CHST5: variants seen among roughly 807,000 people sequenced by gnomAD.
CHST5 encodes the protein GST4-alpha.
For missense variants in CHST5, 637 were observed against 602.1 expected (o/e 1.06, Z -0.61); for synonymous variants, 313 against 279.2 (o/e 1.12, Z -1.21).
At position 75,529,746 on chromosome 16, in the gene CHST5, G is replaced by C. The variant is rs759394593; in HGVS notation, c.639C>G (p.Pro213=). ...GGTGCACGATGCGCAGGTTGAGCGCGGGGTCGCTGAGCAGCGGGTAGAGCA... is the reference window on the plus strand; with the variant it reads ...GGTGCACGATGCGCAGGTTGAGCGCCGGGTCGCTGAGCAGCGGGTAGAGCA... ...LQVLYPLLSD[P]ALNLRIVHLV... The change falls in exon 4 of 4, where the codon CCC becomes CCG. Residue 213 remains proline (P), a synonymous_variant. Transcript: ENST00000336257. 4 of 1,613,172 alleles carry C rather than the reference G, an allele frequency of 2.5e-6. No individual in the cohort carries two copies. The highest frequency in any genetic ancestry group is 1.3e-5 in the African/African-American group (1 of 74,922).
intron 2 of CHST5, among the ~76,000 whole-genome samples, chr16:75,534,205 C>T (rs913106588): frequency 1.1e-4 from 16 of 150,868 alleles, no homozygotes; most frequent in African/African-American, 3.9e-4. Flanking sequence ...GGCAGAGTGG[C>T]TCATGCCTAT....
At chr16:75,531,743 G>C in intron 3 of CHST5, 103 bp from the exon 4 acceptor site, 1 of 801,338 alleles carries the variant, frequency 1.2e-6, no homozygotes, top group Non-Finnish European at 1.9e-6. Context: ...CCTGCCTTTT[G>C]CTTCAGGATA....
At position 75,531,521 on chromosome 16, in the gene CHST5, C is replaced by T. The variant is rs1251876629; in HGVS notation, c.-1137G>A. The T allele has an allele frequency of 6.2e-6, 8 of 1,300,516 alleles. No homozygotes were observed. The highest frequency in any genetic ancestry group is 6.1e-5 in the African/African-American group (4 of 65,704). 80.6% of individuals were successfully genotyped at this position (1,300,516 alleles called of 1,614,324 possible). ...GTTGATGGGGAGCTGGGATGGAGCC[C>T]AAGAAGCAGAGAGGTGAGAGCAGAG... On this transcript the variant is annotated 5_prime_UTR_variant, in exon 4 of 4. Coordinates refer to ENST00000336257, the MANE Select transcript of CHST5 (RefSeq NM_024533.5).
chr16:75,532,469 C>A (rs1049491808), intron 3 of CHST5, among the ~76,000 whole-genome samples: 1 of 152,214 alleles, frequency 6.6e-6, no homozygotes, highest in African/African-American at 2.4e-5. Context: ...TGCCTGCCCC[C>A]TTCCCCTGTC....
chr16:75,532,995 A>T, intron 3 of CHST5, 94 bp downstream of exon 3: 4 of 625,050 alleles, frequency 6.4e-6, no homozygotes, highest in Non-Finnish European at 1.1e-5. Context: ...AGAGTGCAGG[A>T]CCCTGCTGCT....
Position 75,530,545 on chromosome 16 carries a change from A to C in CHST5, c.-161T>G. 1 of 1,437,454 alleles carries C rather than the reference A, an allele frequency of 7.0e-7. No individual in the cohort carries two copies. Among genetic ancestry groups the C allele is most frequent in the Non-Finnish European group, 9.1e-7 (1 of 1,093,712 alleles). 89.0% of individuals were successfully genotyped at this position (1,437,454 alleles called of 1,614,324 possible). ...GAATATAGTCTGTGCTCACAGCAGA[A>C]GTCCAGTTGCAGAATAATGTGGGAT... On this transcript the variant is annotated 5_prime_UTR_variant, in exon 4 of 4. Transcript: ENST00000336257.
Position 75,530,725 on chromosome 16 carries a change from G to C in CHST5, c.-341C>G. On this transcript the variant is annotated 5_prime_UTR_variant, in exon 4 of 4. Transcript: ENST00000336257. ...CCTTTTAGGTTGTGGAGCTAAAAGG[G>C]CTTGATGGGGGCTTCGGTGGATGTC... The C allele has an allele frequency of 9.2e-7, 1 of 1,085,922 alleles. No homozygotes were observed. Among genetic ancestry groups the C allele is most frequent in the Non-Finnish European group, 1.1e-6 (1 of 884,186 alleles). 67.3% of individuals were successfully genotyped at this position (1,085,922 alleles called of 1,614,324 possible). A position where few individuals can be genotyped will look rare whatever the true frequency, so the allele number is the denominator to read the frequency against.
rs371089914 is a variant in CHST5 at position 75,530,335 on chromosome 16, G to C, written c.50C>G (p.Pro17Arg). The C allele has an allele frequency of 8.8e-6, 14 of 1,593,040 alleles. No homozygotes were observed. The highest frequency in any genetic ancestry group is 1.2e-5 in the Non-Finnish European group (14 of 1,170,402). The change falls in exon 4 of 4, where the codon CCC becomes CGC. Residue 17 changes from proline to arginine, a missense_variant. Transcript: ENST00000336257. ...VPKVAHSTRRPPAARMWLPRF... is the reference protein window; with the variant it reads ...VPKVAHSTRRRPAARMWLPRF... ...TGGCAGCCACATGCGGGCGGCTGGG[G>C]GCCTTCGGGTGGAGTGGGCAACTTT... is the stretch of plus-strand genomic sequence containing the variant.
At position 75,531,028 on chromosome 16, in the gene CHST5, TA is replaced by T. The variant is rs146770074; in HGVS notation, c.-645del. The T allele has an allele frequency of 1.4e-5, 14 of 1,001,196 alleles. No individual in the cohort carries two copies. In the African/African-American group the frequency reaches 2.4e-4, roughly 17 times the overall value. 62.0% of individuals were successfully genotyped at this position (1,001,196 alleles called of 1,614,324 possible). ...ATATAATTTTTTTAACAGGCAGGTA[TA>T]AAACTTTTGTCAGCCAGGCGCGGTG... On this transcript the variant is annotated 5_prime_UTR_variant, in exon 4 of 4. Coordinates refer to ENST00000336257, the MANE Select transcript of CHST5 (RefSeq NM_024533.5).
rs146004401 is a variant in CHST5, at chr16:75,529,446, G to T, written c.939C>A (p.Thr313=). ...LAEIRALYAF[T]GLTLTPQLEA... ...CGAGCTGTGGCGTGAGGGTCAGGCC[G>T]GTGAAGGCGTAGAGTGCGCGGATCT... Residue 313 remains threonine (T), a synonymous_variant, in exon 4 of 4, where the codon ACC becomes ACA. Transcript: ENST00000336257. 1.2e-6 allele frequency: 2 copies of T among 1,612,914 alleles called. No homozygotes were observed. Among genetic ancestry groups the T allele is most frequent in the Admixed American group, 3.3e-5 (2 of 60,032 alleles).
chr16:75,531,635 C>G lies in CHST5; in HGVS notation c.-1251G>C, dbSNP rs746362378. The G allele has an allele frequency of 3.1e-6, 4 of 1,303,304 alleles. No individual in the cohort carries two copies. In the African/African-American group the frequency reaches 4.6e-5, roughly 15 times the overall value. 80.7% of individuals were successfully genotyped at this position (1,303,304 alleles called of 1,614,324 possible). A position where few individuals can be genotyped will look rare whatever the true frequency, so the allele number is the denominator to read the frequency against. On this transcript the variant is annotated 5_prime_UTR_variant, in exon 4 of 4. Coordinates refer to ENST00000336257, the MANE Select transcript of CHST5 (RefSeq NM_024533.5). ...GATCACAAATCCATGGGAGATGTCT[C>G]GACATCTGGCAAAGCAGGAAGGAGA...
In CHST5 at chr16:75,528,804, T is replaced by A. The variant is rs990852055; in HGVS notation, c.*345A>T. On this transcript the variant is annotated 3_prime_UTR_variant, in exon 4 of 4. Transcript: ENST00000336257. The stretch of plus-strand genomic sequence containing the variant: ...CTCAGGTGATCCACCCGCCTCAGCC[T>A]CTCAAAATGCTGGGATTACAGGCAT... The A allele has an allele frequency of 5.2e-5, 10 of 191,230 alleles. No homozygotes were observed. The highest frequency in any genetic ancestry group is 2.4e-4 in the African/African-American group (10 of 42,536). The allele number at this position is 191,230 out of a possible 1,614,324, so 11.8% of individuals were successfully genotyped here.
At position 75,531,458 on chromosome 16, in the gene CHST5, A is replaced by G; in HGVS notation, c.-1074T>C. 1.6e-6 allele frequency: 2 copies of G among 1,253,440 alleles called. No individual in the cohort carries two copies. The highest frequency in any genetic ancestry group is 2.1e-6 in the Non-Finnish European group (2 of 960,938). 77.6% of individuals were successfully genotyped at this position (1,253,440 alleles called of 1,614,324 possible). On this transcript the variant is annotated 5_prime_UTR_variant, in exon 4 of 4. Transcript: ENST00000336257. Reference sequence around the variant, plus strand: ...TGTAGGCAGCATGGGCTCCAGAAGGAGGGTGTCCTGGAGCCCTGTGGGTTT... The same window carrying G: ...TGTAGGCAGCATGGGCTCCAGAAGGGGGGTGTCCTGGAGCCCTGTGGGTTT...
At position 75,530,643 on chromosome 16, in the gene CHST5, A is replaced by T; in HGVS notation, c.-259T>A. On this transcript the variant is annotated 5_prime_UTR_variant, in exon 4 of 4. Transcript: ENST00000336257. Reference sequence around the variant, plus strand: ...ACAGGCTATCTATCTGTAGAGAGAAATACTATGTTTCAAAGAGAACTCCTG... The same window carrying T: ...ACAGGCTATCTATCTGTAGAGAGAATTACTATGTTTCAAAGAGAACTCCTG... The T allele has an allele frequency of 7.4e-7, 1 of 1,345,600 alleles. No individual in the cohort carries two copies. The highest frequency in any genetic ancestry group is 9.6e-7 in the Non-Finnish European group (1 of 1,044,100). 83.4% of individuals were successfully genotyped at this position (1,345,600 alleles called of 1,614,324 possible).
rs774217602 is a variant in CHST5, at chr16:75,529,264, G to A, written c.1121C>T (p.Ala374Val). The A allele has an allele frequency of 3.1e-6, 5 of 1,613,098 alleles. No individual in the cohort carries two copies. The South Asian group carries it at 4.4e-5, about 14-fold the overall frequency. ...ILRVQEVCAG[A>V]LQLLGYRPVY... ...AGGCCGGTAGCCCAGCAGCTGCAGC[G>A]CGCCGGCGCACACCTCCTGCACGCG... Residue 374 changes from alanine to valine, a missense_variant, in exon 4 of 4, where the codon GCG becomes GTG. Physicochemically the swap from Ala to Val is moderately conservative, Grantham distance 64. Coordinates refer to ENST00000336257, the MANE Select transcript of CHST5 (RefSeq NM_024533.5).
Position 75,531,364 on chromosome 16 carries a change from A to G in CHST5, c.-980T>C. On this transcript the variant is annotated 5_prime_UTR_variant, in exon 4 of 4. Coordinates refer to ENST00000336257, the MANE Select transcript of CHST5 (RefSeq NM_024533.5). Reference sequence around the variant, plus strand: ...AACAAAAAAAAAACTTTTGTCATTAAAGATAAACAAGTAAATAAAGTGGAC... The same window carrying G: ...AACAAAAAAAAAACTTTTGTCATTAGAGATAAACAAGTAAATAAAGTGGAC... 1 of 1,057,284 alleles carries G rather than the reference A, an allele frequency of 9.5e-7. No homozygotes were observed. Among genetic ancestry groups the G allele is most frequent in the Non-Finnish European group, 1.2e-6 (1 of 865,468 alleles). 65.5% of individuals were successfully genotyped at this position (1,057,284 alleles called of 1,614,324 possible).
At position 75,529,468 on chromosome 16, in the gene CHST5, A is replaced by G. The variant is rs777788424; in HGVS notation, c.917T>C (p.Ile306Thr). ...GCCGGTGAAGGCGTAGAGTGCGCGG[A>G]TCTCTGCCAGCGGCTCCCGCGCCAG... ...EDLAREPLAE[I>T]RALYAFTGLT... Residue 306 changes from isoleucine (I) to threonine (T), a missense_variant, in exon 4 of 4, where the codon ATC becomes ACC. By Grantham distance (89) the Ile-to-Thr change is moderately conservative. Transcript: ENST00000336257. 2 of 1,612,506 alleles carry G rather than the reference A, an allele frequency of 1.2e-6. No individual in the cohort carries two copies. The highest frequency in any genetic ancestry group is 1.7e-6 in the Non-Finnish European group (2 of 1,179,872).
Position 75,531,465 on chromosome 16 carries a change from C to T in CHST5, c.-1081G>A, listed in dbSNP as rs2151691616. On this transcript the variant is annotated 5_prime_UTR_variant, in exon 4 of 4. Coordinates refer to ENST00000336257, the MANE Select transcript of CHST5 (RefSeq NM_024533.5). ...AGCATGGGCTCCAGAAGGAGGGTGT[C>T]CTGGAGCCCTGTGGGTTTGCAAGAA... The T allele has an allele frequency of 1.6e-6, 2 of 1,268,464 alleles. No homozygotes were observed. Among genetic ancestry groups the T allele is most frequent in the Non-Finnish European group, 2.1e-6 (2 of 968,698 alleles). The allele number at this position is 1,268,464 out of a possible 1,614,324, so 78.6% of individuals were successfully genotyped here. A position where few individuals can be genotyped will look rare whatever the true frequency, so the allele number is the denominator to read the frequency against.
At position 75,530,647 on chromosome 16, in the gene CHST5, T is replaced by C; in HGVS notation, c.-263A>G. On this transcript the variant is annotated 5_prime_UTR_variant, in exon 4 of 4. The change creates a new upstream start codon in the 5' untranslated region. Transcript: ENST00000336257. ...GCTATCTATCTGTAGAGAGAAATAC[T>C]ATGTTTCAAAGAGAACTCCTGTCTT... 7.5e-7 allele frequency: 1 copy of C among 1,328,444 alleles called. No individual in the cohort carries two copies. The highest frequency in any genetic ancestry group is 9.7e-7 in the Non-Finnish European group (1 of 1,033,924). The allele number at this position is 1,328,444 out of a possible 1,614,324, so 82.3% of individuals were successfully genotyped here.
Sources: allele counts gnomAD v4.1 joint callset (sites outside exome capture counted in the v4.1 genomes callset), GRCh38; gene constraint gnomAD v4.1.1; transcripts MANE v1.5; gene names NCBI Gene and HGNC (gene_info 2026-07-23, HGNC 2026-07-21).